LRRFIP1: variants seen among roughly 807,000 people sequenced by gnomAD.
LRRFIP1 encodes the protein LRR binding FLII interacting protein 1.
Under a neutral mutation model 104.4 loss-of-function variants are expected in LRRFIP1, and 62 were observed. That is an observed-to-expected ratio of 0.59 (90% CI 0.48 to 0.73). The LOEUF (loss-of-function observed/expected upper bound fraction) is 0.73. Ranked by LOEUF, LRRFIP1 falls within the 30% of genes least tolerant of loss-of-function variation. The pLI is 0.00. For missense variants in LRRFIP1, 796 were observed against 824.5 expected (o/e 0.97, Z 0.42); for synonymous variants, 300 against 299.0 (o/e 1.00, Z -0.03).
chr2:237,701,429 G>A (rs1192908716), intron 1 of LRRFIP1, among the ~76,000 whole-genome samples: 1 of 152,238 alleles, frequency 6.6e-6, no homozygotes, highest in East Asian at 1.9e-4. Context: ...AGCACATGTG[G>A]GCTAGGCCAG....
At position 237,627,717 on chromosome 2, in the gene LRRFIP1, G is replaced by T. The variant is rs1044691569; in HGVS notation, c.73G>T (p.Ala25Ser). The change falls in exon 1 of 24, where the codon GCG becomes TCG. Residue 25 changes from alanine to serine, a missense_variant. Coordinates refer to ENST00000308482, the MANE Select transcript of LRRFIP1 (RefSeq NM_001137550.2). ...GGAGCGGCTCACGGCGGAGGACGACGCGCTCAACCAGATCGCGCGGGAGGT... is the reference window on the plus strand; with the variant it reads ...GGAGCGGCTCACGGCGGAGGACGACTCGCTCAACCAGATCGCGCGGGAGGT... Reference protein sequence around the residue: ...NRERLTAEDDALNQIAREAEA... With the variant: ...NRERLTAEDDSLNQIAREAEA... The T allele has an allele frequency of 7.4e-7, 1 of 1,351,506 alleles. No homozygotes were observed. The allele number at this position is 1,351,506 out of a possible 1,614,324, so 83.7% of individuals were successfully genotyped here. A position where few individuals can be genotyped will look rare whatever the true frequency, so the allele number is the denominator to read the frequency against.
chr2:237,696,216 T>TTTGC (rs2093175211), intron 1 of LRRFIP1, among the ~76,000 whole-genome samples: 1 of 77,392 alleles, frequency 1.3e-5, no homozygotes, highest in Non-Finnish European at 2.4e-5. Flanking sequence ...GTTTCATTTA[T>TTTGC]TTGTGTAATG....
chr2:237,646,099 C>A (rs2084870620), intron 1 of LRRFIP1, among the ~76,000 whole-genome samples: 1 of 151,808 alleles, frequency 6.6e-6, no homozygotes, highest in Admixed American at 6.6e-5. Context: ...CATTTTACTT[C>A]TTTGTAAATT....
chr2:237,717,857 A>G lies in LRRFIP1; in HGVS notation c.249+48A>G, dbSNP rs922788170. On this transcript the variant is annotated intron_variant, in intron 4 of 23. Transcript: ENST00000308482. The surrounding 1 kb of genome is among the most constrained non-coding windows in gnomAD (Gnocchi z 4.2). ...TTTTTACTCTTCCCTCCCCACTTGA[A>G]TACAGTGTTGAGACTTAAATGGTTT... The G allele has an allele frequency of 1.5e-5, 21 of 1,375,820 alleles. No homozygotes were observed. Among genetic ancestry groups the G allele is most frequent in the Non-Finnish European group, 2.1e-5 (20 of 962,806 alleles). The allele number at this position is 1,375,820 out of a possible 1,614,324, so 85.2% of individuals were successfully genotyped here. A position where few individuals can be genotyped will look rare whatever the true frequency, so the allele number is the denominator to read the frequency against.
Position 237,779,581 on chromosome 2 carries a change from C to T in LRRFIP1, c.*49C>T. 1.3e-6 allele frequency: 2 copies of T among 1,488,042 alleles called. No individual in the cohort carries two copies. The highest frequency in any genetic ancestry group is 1.1e-5 in the South Asian group (1 of 87,876). The allele number at this position is 1,488,042 out of a possible 1,614,324, so 92.2% of individuals were successfully genotyped here. A position where few individuals can be genotyped will look rare whatever the true frequency, so the allele number is the denominator to read the frequency against. On this transcript the variant is annotated 3_prime_UTR_variant, in exon 24 of 24. Coordinates refer to ENST00000308482, the MANE Select transcript of LRRFIP1 (RefSeq NM_001137550.2). The stretch of plus-strand genomic sequence containing the variant: ...GGTTGGTGACTGGAGAGCATTGTTT[C>T]ATAGGCTTTTCTCTGTCCTATCTGG...
chr2:237,777,806 G>A (rs1178463898), intron 23 of LRRFIP1, among the ~76,000 whole-genome samples: 1 of 151,894 alleles, frequency 6.6e-6, no homozygotes, highest in East Asian at 1.9e-4. Flanking sequence ...TTCCCCTCTG[G>A]AACTCTAATC....
intron 1 of LRRFIP1, among the ~76,000 whole-genome samples, chr2:237,653,911 A>C (rs1261026026): frequency 6.6e-6 from 1 of 152,276 alleles, no homozygotes; most frequent in African/African-American, 2.4e-5. Context: ...GTAGGAGAAA[A>C]CATAAGGCGA....
intron 1 of LRRFIP1, among the ~76,000 whole-genome samples, chr2:237,702,763 A>C: frequency 6.6e-6 from 1 of 152,116 alleles, no homozygotes. Context: ...ACGACTCCAC[A>C]TACTGGGCAA....
chr2:237,739,410 C>T (rs879085126), intron 11 of LRRFIP1, 101 bp downstream of exon 11: 3 of 1,003,684 alleles, frequency 3.0e-6, no homozygotes, highest in Admixed American at 2.4e-5. Flanking sequence ...TATTACTCTG[C>T]GGTGATATTA....
chr2:237,718,883 A>C (rs546619045), intron 4 of LRRFIP1, among the ~76,000 whole-genome samples: 1 of 147,840 alleles, frequency 6.8e-6, no homozygotes, highest in Admixed American at 6.7e-5. Context: ...TATTTTTGTT[A>C]AATCTTAAGA....
chr2:237,643,378 C>T (rs1018628235), intron 1 of LRRFIP1, among the ~76,000 whole-genome samples: 4 of 152,268 alleles, frequency 2.6e-5, no homozygotes, highest in East Asian at 1.9e-4. Context: ...GATTCTGGCG[C>T]ACCCTCGCCT....
intron 1 of LRRFIP1, among the ~76,000 whole-genome samples, chr2:237,681,695 T>TTTTTTTTTTTTTTTTTTTG (rs2091849383): frequency 1.0e-5 from 1 of 98,492 alleles, no homozygotes; most frequent in Non-Finnish European, 2.2e-5. Flanking sequence ...TTTTTTTTTT[T>TTTTTTTTTTTTTTTTTTTG]TTGAGACGGA....
chr2:237,659,315 C>T (rs1434934574), intron 1 of LRRFIP1, among the ~76,000 whole-genome samples: 1 of 151,846 alleles, frequency 6.6e-6, no homozygotes. Flanking sequence ...AGGCTTGTCT[C>T]AAACTCCTGG....
chr2:237,740,791 G>T (rs1375173032), intron 11 of LRRFIP1, among the ~76,000 whole-genome samples: 1 of 152,132 alleles, frequency 6.6e-6, no homozygotes, highest in East Asian at 1.9e-4. Context: ...TTGCAGAACT[G>T]CACAGCCTCC....
intron 15 of LRRFIP1, 76 bp from the exon 16 acceptor site, chr2:237,756,019 T>C (rs1343806207): frequency 1.1e-6 from 1 of 884,192 alleles, no homozygotes; most frequent in African/African-American, 1.7e-5. Context: ...ACAGAAACTA[T>C]AAATCGTGAG....
At chr2:237,694,471 T>A (rs745417040) in intron 1 of LRRFIP1, among the ~76,000 whole-genome samples, 7 of 142,688 alleles carry the variant, frequency 4.9e-5, no homozygotes, top group Non-Finnish European at 7.6e-5. Context: ...GGGGTCATCA[T>A]GGGTGGGGGG....
Position 237,749,401 on chromosome 2 carries a change from T to C in LRRFIP1, c.795+77T>C, listed in dbSNP as rs2058294961. 4.2e-6 allele frequency: 6 copies of C among 1,432,756 alleles called. No homozygotes were observed. The South Asian group carries it at 4.9e-5, about 12-fold the overall frequency. 88.8% of individuals were successfully genotyped at this position (1,432,756 alleles called of 1,614,324 possible). A position where few individuals can be genotyped will look rare whatever the true frequency, so the allele number is the denominator to read the frequency against. The stretch of plus-strand genomic sequence containing the variant: ...AGTCTTTAGATTAAAAAAAAAAAAG[T>C]TAATTCATAAAGTTCTGGATCTTTC... On this transcript the variant is annotated intron_variant, in intron 13 of 23. Coordinates refer to ENST00000308482, the MANE Select transcript of LRRFIP1 (RefSeq NM_001137550.2).
intron 18 of LRRFIP1, among the ~76,000 whole-genome samples, chr2:237,759,238 A>C (rs1471435706): frequency 6.6e-6 from 1 of 152,102 alleles, no homozygotes; most frequent in Non-Finnish European, 1.5e-5. Flanking sequence ...TTAGACTTTG[A>C]GACCTACTAG....
chr2:237,702,889 G>A (rs1012129114), intron 1 of LRRFIP1, among the ~76,000 whole-genome samples: 2 of 152,138 alleles, frequency 1.3e-5, no homozygotes, highest in African/African-American at 2.4e-5. Context: ...GCTTATAGCC[G>A]TTTACACCCC....
Sources: allele counts gnomAD v4.1 joint callset (sites outside exome capture counted in the v4.1 genomes callset), GRCh38; gene constraint gnomAD v4.1.1; non-coding constraint Gnocchi (gnomAD v3.1); transcripts MANE v1.5; gene names NCBI Gene and HGNC (gene_info 2026-07-23, HGNC 2026-07-21).